GMFB: variants seen among roughly 807,000 people sequenced by gnomAD.
GMFB encodes the protein glia maturation factor beta.
A neutral mutation model predicts 25.6 loss-of-function variants in GMFB; 13 were observed. The observed-to-expected ratio is 0.51, with a 90% CI of 0.33 to 0.81. The LOEUF is 0.81. Among genes scored for constraint, GMFB ranks in the 30% least tolerant of loss-of-function variants. The probability of loss-of-function intolerance (pLI) is 0.02; values close to 1 mark genes in which losing one functional copy is unlikely to be tolerated. For synonymous variants in GMFB, 57 were observed against 56.9 expected (o/e 1.00, Z 0.00); for missense variants, 146 against 175.4 (o/e 0.83, Z 0.95).
Position 54,480,956 on chromosome 14 carries a change from G to T in GMFB, c.201C>A (p.Arg67=). ...GATATTTATAACTATACACAATGAA[G>T]GTTTTTCTCAAGTTAAAGAAACTAA... ...LKDELPERQP[R]FIVYSYKYQH... Residue 67 remains arginine, a splice_region_variant and synonymous_variant, in exon 5 of 7, where the codon CGC becomes CGA. Coordinates refer to ENST00000358056, the MANE Select transcript of GMFB (RefSeq NM_004124.3). 2.8e-6 allele frequency: 4 copies of T among 1,440,576 alleles called. 1 individual carries two copies. In the South Asian group the frequency reaches 3.6e-5, roughly 13 times the overall value. The allele number at this position is 1,440,576 out of a possible 1,614,324, so 89.2% of individuals were successfully genotyped here.
intron 5 of GMFB, 43 bp downstream of exon 5, chr14:54,480,831 T>C: frequency 2.0e-6 from 2 of 987,796 alleles, no homozygotes; most frequent in Non-Finnish European, 3.2e-6. Context: ...ATGGCTTAAT[T>C]GGATCTAAGC....
chr14:54,478,095 A>G lies in GMFB; in HGVS notation c.422T>C (p.Phe141Ser). 1 of 1,419,606 alleles carries G rather than the reference A, an allele frequency of 7.0e-7. No homozygotes were observed. Among genetic ancestry groups the G allele is most frequent in the Non-Finnish European group, 9.6e-7 (1 of 1,038,246 alleles). The allele number at this position is 1,419,606 out of a possible 1,614,324, so 87.9% of individuals were successfully genotyped here. A position where few individuals can be genotyped will look rare whatever the true frequency, so the allele number is the denominator to read the frequency against. ...EEWLREKLGFFH is the reference protein window; with the variant it reads ...EEWLREKLGFSH ...GAAACACAGAAGTTCACATTAGTGA[A>G]AAAATCCAAGTTTCTCACGTAACCA... is the stretch of plus-strand genomic sequence containing the variant. Residue 141 changes from phenylalanine to serine, a missense_variant, in exon 7 of 7, where the codon TTT becomes TCT. By Grantham distance (155) the Phe-to-Ser change is radical. Coordinates refer to ENST00000358056, the MANE Select transcript of GMFB (RefSeq NM_004124.3).
intron 1 of GMFB, among the ~76,000 whole-genome samples, chr14:54,488,288 C>G (rs2031816741): frequency 6.6e-6 from 1 of 152,194 alleles, no homozygotes; most frequent in Non-Finnish European, 1.5e-5. Context: ...GCCACAGCCC[C>G]CAGAACCAAC....
At chr14:54,484,058 G>T (rs1208594361) in intron 1 of GMFB, 1 of 466,048 alleles carries the variant, frequency 2.1e-6, no homozygotes, top group Non-Finnish European at 4.0e-6. Flanking sequence ...AATGTCATCA[G>T]AACTGGAGAG....
intron 1 of GMFB, 169 bp downstream of exon 1, chr14:54,488,756 C>A (rs1439903067): frequency 2.6e-5 from 14 of 536,246 alleles, no homozygotes; most frequent in Non-Finnish European, 3.2e-6. Flanking sequence ...GTGGTGGCGG[C>A]GGCAGAGGCC....
rs1594636675 is a variant in GMFB at position 54,488,819 on chromosome 14, G to C, written c.3+106C>G. The C allele has an allele frequency of 1.4e-5, 12 of 866,976 alleles. No individual in the cohort carries two copies. In the East Asian group the frequency reaches 3.9e-4, roughly 28 times the overall value. 53.7% of individuals were successfully genotyped at this position (866,976 alleles called of 1,614,324 possible). On this transcript the variant is annotated intron_variant, in intron 1 of 6. Coordinates refer to ENST00000358056, the MANE Select transcript of GMFB (RefSeq NM_004124.3). ...GCTGCTGGGAGCGGAAGCGGCCGCC[G>C]AGCCCTCCTGGGCGCTGCCCGCCGC... is the stretch of plus-strand genomic sequence containing the variant.
chr14:54,479,812 G>A lies in GMFB; in HGVS notation c.331C>T (p.Leu111=), dbSNP rs1406166593. The change falls in exon 6 of 7, where the codon CTA becomes TTA. Residue 111 remains leucine, a synonymous_variant. Coordinates refer to ENST00000358056, the MANE Select transcript of GMFB (RefSeq NM_004124.3). ...QMMYAGSKNK[L]VQTAELTKVF... ...TTGGTTAGTTCAGCTGTCTGGACTA[G>A]CTTATTCTTACTTCCAGCATACATC... The A allele has an allele frequency of 6.2e-7, 1 of 1,603,158 alleles. No individual in the cohort carries two copies. Among genetic ancestry groups the A allele is most frequent in the African/African-American group, 1.3e-5 (1 of 74,688 alleles).
chr14:54,481,026 C>T, intron 4 of GMFB, 70 bp from the exon 5 acceptor site: 1 of 710,722 alleles, frequency 1.4e-6, no homozygotes, highest in Non-Finnish European at 2.4e-6. Flanking sequence ...TGGGGAGCTA[C>T]TGAGCTGCAA....
At chr14:54,480,282 T>G (rs1366772136) in intron 5 of GMFB, 1 of 161,164 alleles carries the variant, frequency 6.2e-6, no homozygotes, top group Non-Finnish European at 1.3e-5. Context: ...TATATTAAGT[T>G]AAAAATATAC....
In GMFB at chr14:54,476,418, CAG is replaced by C. The variant is rs945293970; in HGVS notation, c.*1668_*1669del. 6.6e-6 allele frequency: 1 copy of C among 152,048 alleles called. No individual in the cohort carries two copies. Among genetic ancestry groups the C allele is most frequent in the African/African-American group, 2.4e-5 (1 of 41,440 alleles). 9.4% of individuals were successfully genotyped at this position (152,048 alleles called of 1,614,324 possible). A position where few individuals can be genotyped will look rare whatever the true frequency, so the allele number is the denominator to read the frequency against. ...CACTTGGATTACATGTGCATTCCTA[CAG>C]AATTATATGCATGTTATTCTCCAAT... On this transcript the variant is annotated 3_prime_UTR_variant, in exon 7 of 7. Transcript: ENST00000358056.
In GMFB at chr14:54,476,879, C is replaced by T. The variant is rs1335885731; in HGVS notation, c.*1209G>A. The T allele has an allele frequency of 6.6e-6, 1 of 151,930 alleles. No homozygotes were observed. The highest frequency in any genetic ancestry group is 1.5e-5 in the Non-Finnish European group (1 of 67,888). The allele number at this position is 151,930 out of a possible 1,614,324, so 9.4% of individuals were successfully genotyped here. ...TTATGTATTTGTTTTTACAAGTATG[C>T]CAAATATCAGAATCCTCGCTTTATG... is the stretch of plus-strand genomic sequence containing the variant. On this transcript the variant is annotated 3_prime_UTR_variant, in exon 7 of 7. Transcript: ENST00000358056.
At chr14:54,483,570 G>A in intron 2 of GMFB, 101 bp downstream of exon 2, 2 of 656,272 alleles carry the variant, frequency 3.0e-6, no homozygotes, top group Non-Finnish European at 5.5e-6. Flanking sequence ...TGAAACAGAG[G>A]AAGTAACATT....
rs751445918 is a variant in GMFB, at chr14:54,483,913, G to T, written c.4-146C>A. 40 of 703,784 alleles carry T rather than the reference G, an allele frequency of 5.7e-5. 1 individual carries two copies. In the East Asian group the frequency reaches 6.5e-4, roughly 11 times the overall value. The allele number at this position is 703,784 out of a possible 1,614,324, so 43.6% of individuals were successfully genotyped here. On this transcript the variant is annotated intron_variant, in intron 1 of 6. Transcript: ENST00000358056. ...GCATTAAATACATGAACACTTAAAAGAACTTTAAAATCAACCAACCTTTGG... is the reference window on the plus strand; with the variant it reads ...GCATTAAATACATGAACACTTAAAATAACTTTAAAATCAACCAACCTTTGG...
At chr14:54,479,918 T>C (rs1026311203) in intron 5 of GMFB, 59 bp from the exon 6 acceptor site, 1 of 948,144 alleles carries the variant, frequency 1.1e-6, no homozygotes, top group Non-Finnish European at 1.7e-6. Flanking sequence ...GTATGGGTTA[T>C]CATTATTTTT....
intron 1 of GMFB, among the ~76,000 whole-genome samples, chr14:54,486,219 T>C (rs1175220886): frequency 6.6e-6 from 1 of 152,112 alleles, no homozygotes; most frequent in African/African-American, 2.4e-5. Flanking sequence ...CACTGCACTC[T>C]AGCCTGGCGA....
In GMFB at chr14:54,475,438, T is replaced by G. The variant is rs2031625671; in HGVS notation, c.*2650A>C. 6.6e-6 allele frequency: 1 copy of G among 152,592 alleles called. No homozygotes were observed. The highest frequency in any genetic ancestry group is 2.4e-5 in the African/African-American group (1 of 41,460). The allele number at this position is 152,592 out of a possible 1,614,324, so 9.5% of individuals were successfully genotyped here. On this transcript the variant is annotated 3_prime_UTR_variant, in exon 7 of 7. Coordinates refer to ENST00000358056, the MANE Select transcript of GMFB (RefSeq NM_004124.3). ...AGTAAAAAATTTAGCAACACACACT[T>G]AAACAAGAGTATGTTTAACTGCACT...
In GMFB at chr14:54,474,899, T is replaced by C. The variant is rs569475294; in HGVS notation, c.*3189A>G. On this transcript the variant is annotated 3_prime_UTR_variant, in exon 7 of 7. Coordinates refer to ENST00000358056, the MANE Select transcript of GMFB (RefSeq NM_004124.3). ...TCAAGAATATTCAGCTTGGGAGCATTGGTTTTAAGCGGTCTAGAAGATTAC... is the reference window on the plus strand; with the variant it reads ...TCAAGAATATTCAGCTTGGGAGCATCGGTTTTAAGCGGTCTAGAAGATTAC... 7 of 152,640 alleles carry C rather than the reference T, an allele frequency of 4.6e-5. No individual in the cohort carries two copies. The highest frequency in any genetic ancestry group is 8.8e-5 in the Non-Finnish European group (6 of 68,014). 9.5% of individuals were successfully genotyped at this position (152,640 alleles called of 1,614,324 possible). A position where few individuals can be genotyped will look rare whatever the true frequency, so the allele number is the denominator to read the frequency against.
chr14:54,483,647 T>G, intron 2 of GMFB, 24 bp downstream of exon 2: 1 of 1,204,802 alleles, frequency 8.3e-7, no homozygotes, highest in East Asian at 2.3e-5. Context: ...CCATGTAACT[T>G]TGAGGCAATC....
intron 1 of GMFB, 40 bp downstream of exon 1, chr14:54,488,885 G>A (rs1458581416): frequency 4.7e-5 from 73 of 1,540,922 alleles, no homozygotes; most frequent in Non-Finnish European, 6.1e-5. Flanking sequence ...TGGCCGGCTC[G>A]CCCAGCCCTC....
Sources: gnomAD v4.1 joint callset for allele counts (sites outside exome capture counted in the v4.1 genomes callset) on GRCh38, gnomAD v4.1.1 for gene constraint, MANE v1.5 for transcripts, NCBI Gene and HGNC (gene_info 2026-07-23, HGNC 2026-07-21) for gene names.